Variants in ITPK1 observed in about 807,000 individuals in gnomAD.
ITPK1 encodes the protein inositol 1,3,4-trisphosphate 5/6-kinase.
Under a neutral mutation model 45.3 loss-of-function variants are expected in ITPK1, and 21 were observed. The observed-to-expected ratio is 0.46, with a 90% CI of 0.33 to 0.67. The LOEUF is 0.67. Among genes scored for constraint, ITPK1 ranks in the 30% least tolerant of loss-of-function variants. ITPK1 has a pLI of 0.02. For missense variants in ITPK1, 474 were observed against 573.5 expected (o/e 0.83, Z 1.77); for synonymous variants, 258 against 253.6 (o/e 1.02, Z -0.16).
rs958061173 is a variant in ITPK1, at chr14:92,958,576, G to A, written c.505-210C>T. Among the ~76,000 whole-genome samples, 4 of 152,192 alleles carry A rather than the reference G, an allele frequency of 2.6e-5. No individual in the cohort carries two copies. The highest frequency in any genetic ancestry group is 4.4e-5 in the Non-Finnish European group (3 of 68,034). On this transcript the variant is annotated intron_variant, in intron 7 of 10. Transcript: ENST00000267615. The surrounding 1 kb of genome is among the most constrained non-coding windows in gnomAD (Gnocchi z 4.4). ...GATGCATCCCTTCTGCCACGGGGTT[G>A]GAGATCCTCCCTTCACCGGGCCTGC...
intron 5 of ITPK1, among the ~76,000 whole-genome samples, chr14:92,968,699 G>A (rs999385093): frequency 6.6e-6 from 1 of 152,234 alleles, no homozygotes; most frequent in South Asian, 2.1e-4. Flanking sequence ...AGCAGCCTAG[G>A]TGGGAGCAGG....
In ITPK1 at chr14:92,945,081, G is replaced by A. The variant is rs374327868; in HGVS notation, c.901+1250C>T. Among the ~76,000 whole-genome samples the A allele has an allele frequency of 3.9e-5, 6 of 152,332 alleles. No homozygotes were observed. The South Asian group carries it at 1.0e-3, about 26-fold the overall frequency. ...GTGTCACCACCTCACAGAGGAGCCC[G>A]CTGACCGCCCGCTCTGTCCTCCGCC... On this transcript the variant is annotated intron_variant, in intron 10 of 10. Transcript: ENST00000267615.
chr14:92,971,907 C>G (rs1049887629), intron 5 of ITPK1, among the ~76,000 whole-genome samples: 2 of 152,196 alleles, frequency 1.3e-5, no homozygotes, highest in African/African-American at 4.8e-5. Context: ...TGGTACCCAC[C>G]AGCACAGCAC....
chr14:93,083,146 G>A (rs1471861317), intron 2 of ITPK1, among the ~76,000 whole-genome samples: 2 of 152,110 alleles, frequency 1.3e-5, no homozygotes, highest in African/African-American at 4.8e-5. Flanking sequence ...GCAGAGACAC[G>A]TCCACGGCAT....
Position 92,993,960 on chromosome 14 carries a change from T to A in ITPK1, c.284A>T (p.Asp95Val). Residue 95 changes from aspartate (D) to valine (V), a missense_variant, in exon 5 of 11, where the codon GAC becomes GTC. Coordinates refer to ENST00000267615, the MANE Select transcript of ITPK1 (RefSeq NM_014216.6). ...CAGGGTTCTGATGGCAGGGAGCGGG[T>A]CCAGGACGATGGTCTCAGGGTGGGC... ...IDAHPETIVL[D>V]PLPAIRTLLD... 6.2e-7 allele frequency: 1 copy of A among 1,613,488 alleles called. No individual in the cohort carries two copies. Among genetic ancestry groups the A allele is most frequent in the East Asian group, 2.2e-5 (1 of 44,824 alleles).
At chr14:93,054,727 G>C (rs373499413) in intron 3 of ITPK1, among the ~76,000 whole-genome samples, 5 of 152,146 alleles carry the variant, frequency 3.3e-5, no homozygotes, top group African/African-American at 1.2e-4. Flanking sequence ...TGATATGTAC[G>C]GTGGCTTGAG....
At chr14:92,960,907 A>G (rs888178384) in intron 7 of ITPK1, among the ~76,000 whole-genome samples, 1 of 152,236 alleles carries the variant, frequency 6.6e-6, no homozygotes, top group East Asian at 1.9e-4. Context: ...CCACAGGAAG[A>G]CTACGTGAGG....
intron 5 of ITPK1, among the ~76,000 whole-genome samples, chr14:92,966,011 G>A (rs1330782884): frequency 6.6e-6 from 1 of 152,190 alleles, no homozygotes; most frequent in African/African-American, 2.4e-5. Flanking sequence ...ATCAAAAAAA[G>A]AGAAAATTAT....
chr14:93,089,534 C>T (rs1032273056), intron 2 of ITPK1, among the ~76,000 whole-genome samples: 3 of 152,080 alleles, frequency 2.0e-5, no homozygotes, highest in Non-Finnish European at 2.9e-5. Context: ...GGAAGAGAGG[C>T]CAATCTGTGG....
intron 5 of ITPK1, among the ~76,000 whole-genome samples, chr14:92,981,327 A>G (rs565864081): frequency 6.6e-6 from 1 of 152,294 alleles, no homozygotes; most frequent in Non-Finnish European, 1.5e-5. Context: ...CTGGCCCTGG[A>G]GGCCCTCTGG....
At position 92,941,267 on chromosome 14, in the gene ITPK1, C is replaced by A; in HGVS notation, c.*294G>T. ...ATGGCAGCCATACGCACACCCCTCA[C>A]CTCCCATCCAGACCTAGTGTTGCAA... On this transcript the variant is annotated 3_prime_UTR_variant, in exon 11 of 11. Coordinates refer to ENST00000267615, the MANE Select transcript of ITPK1 (RefSeq NM_014216.6). 1.5e-6 allele frequency: 2 copies of A among 1,376,374 alleles called. No homozygotes were observed. Among genetic ancestry groups the A allele is most frequent in the Non-Finnish European group, 1.9e-6 (2 of 1,067,604 alleles). 85.3% of individuals were successfully genotyped at this position (1,376,374 alleles called of 1,614,324 possible). A position where few individuals can be genotyped will look rare whatever the true frequency, so the allele number is the denominator to read the frequency against.
intron 2 of ITPK1, among the ~76,000 whole-genome samples, chr14:93,103,473 C>G (rs1025332390): frequency 6.6e-6 from 1 of 152,008 alleles, no homozygotes; most frequent in African/African-American, 2.4e-5. Flanking sequence ...CTGAGAGGTA[C>G]GTGACCCAGC....
Position 92,940,989 on chromosome 14 carries a change from C to A in ITPK1, c.*572G>T. The A allele has an allele frequency of 7.8e-7, 1 of 1,274,450 alleles. No homozygotes were observed. 78.9% of individuals were successfully genotyped at this position (1,274,450 alleles called of 1,614,324 possible). On this transcript the variant is annotated 3_prime_UTR_variant, in exon 11 of 11. Coordinates refer to ENST00000267615, the MANE Select transcript of ITPK1 (RefSeq NM_014216.6). Reference sequence around the variant, plus strand: ...GGAACTCCCCTGAGGGGTCTGTGGCCTCCTCTGGCTGTGGGGAGGGAGGGG... The same window carrying A: ...GGAACTCCCCTGAGGGGTCTGTGGCATCCTCTGGCTGTGGGGAGGGAGGGG...
At position 92,939,622 on chromosome 14, in the gene ITPK1, C is replaced by T. The variant is rs1490889418; in HGVS notation, c.*1939G>A. ...CCGCCCCACCACGGAGGCCTATGGACGCCACCACGACACCACATGGCAGTT... is the reference window on the plus strand; with the variant it reads ...CCGCCCCACCACGGAGGCCTATGGATGCCACCACGACACCACATGGCAGTT... On this transcript the variant is annotated 3_prime_UTR_variant, in exon 11 of 11. Coordinates refer to ENST00000267615, the MANE Select transcript of ITPK1 (RefSeq NM_014216.6). The T allele has an allele frequency of 1.5e-5, 14 of 948,288 alleles. No homozygotes were observed. In the South Asian group the frequency reaches 2.4e-4, roughly 16 times the overall value. The allele number at this position is 948,288 out of a possible 1,614,324, so 58.7% of individuals were successfully genotyped here.
chr14:93,070,271 C>T (rs1212200287), intron 3 of ITPK1: 1 of 152,484 alleles, frequency 6.6e-6, no homozygotes, highest in East Asian at 1.9e-4. Flanking sequence ...TCAGGGTCTT[C>T]CTCCACCAAA....
intron 4 of ITPK1, among the ~76,000 whole-genome samples, chr14:92,994,386 A>G (rs1343482615): frequency 6.6e-6 from 1 of 152,082 alleles, no homozygotes; most frequent in Admixed American, 6.6e-5. Context: ...TGAGGCCAGG[A>G]GTCATCAGAG....
At chr14:92,952,671 C>T (rs1017900598) in intron 8 of ITPK1, among the ~76,000 whole-genome samples, 1 of 152,210 alleles carries the variant, frequency 6.6e-6, no homozygotes, top group Non-Finnish European at 1.5e-5. Context: ...GTCTGGCTCC[C>T]GCCTGCCTCC....
intron 5 of ITPK1, among the ~76,000 whole-genome samples, chr14:92,986,224 C>G (rs1179238468): frequency 6.6e-6 from 1 of 152,230 alleles, no homozygotes; most frequent in Non-Finnish European, 1.5e-5. Flanking sequence ...ACTAAGTGAG[C>G]TATAAATTCA....
At chr14:93,064,254 G>C (rs1265916559) in intron 3 of ITPK1, among the ~76,000 whole-genome samples, 1 of 152,200 alleles carries the variant, frequency 6.6e-6, no homozygotes, top group Non-Finnish European at 1.5e-5. Context: ...CTGCACTCCA[G>C]CCTGGGCGAC....
Sources: allele counts gnomAD v4.1 joint callset (sites outside exome capture counted in the v4.1 genomes callset), GRCh38; gene constraint gnomAD v4.1.1; non-coding constraint Gnocchi (gnomAD v3.1); transcripts MANE v1.5; gene names NCBI Gene and HGNC (gene_info 2026-07-23, HGNC 2026-07-21).